The following RANBP17 variants were observed in gnomAD, a reference collection of about 807,000 sequenced individuals.
The protein encoded by RANBP17 is ran-binding protein 17.
In RANBP17, 158 loss-of-function variants were observed where a neutral mutation model predicts 141.2. The ratio of observed to expected loss-of-function variants is 1.12; its 90% confidence interval spans 0.98 to 1.28. The LOEUF (loss-of-function observed/expected upper bound fraction) is 1.28, where lower values mean the gene tolerates loss of function less well. Ranked by LOEUF, RANBP17 falls within the 50% of genes most tolerant of loss-of-function variation. The pLI is 0.00. For synonymous variants in RANBP17, 430 were observed against 450.0 expected (o/e 0.96, Z 0.56); for missense variants, 1,438 against 1,290.7 (o/e 1.11, Z -1.75).
At chr5:170,949,648 T>C (rs1019962143) in intron 12 of RANBP17, among the ~76,000 whole-genome samples, 5 of 152,198 alleles carry the variant, frequency 3.3e-5, no homozygotes, top group Non-Finnish European at 5.9e-5. Flanking sequence ...GCAGCCGCTT[T>C]TGCAAACATT....
At chr5:171,254,246 CAAAA>C (rs36093805) in intron 24 of RANBP17, among the ~76,000 whole-genome samples, 2 of 115,036 alleles carry the variant, frequency 1.7e-5, no homozygotes, top group African/African-American at 3.6e-5. Context: ...GACTCTGTCT[CAAAA>C]AAAAAAAAAA....
chr5:171,264,128 G>C (rs1027366090), intron 24 of RANBP17, among the ~76,000 whole-genome samples: 7 of 152,138 alleles, frequency 4.6e-5, no homozygotes, highest in Non-Finnish European at 7.3e-5. Context: ...TAATGTAGTG[G>C]TTAAGAATAC....
intron 14 of RANBP17, among the ~76,000 whole-genome samples, chr5:171,014,397 T>A (rs1026565982): frequency 4.6e-5 from 7 of 152,054 alleles, no homozygotes; most frequent in African/African-American, 1.7e-4. Context: ...GATTTTTGCC[T>A]TTCTTTGGAT....
intron 12 of RANBP17, among the ~76,000 whole-genome samples, chr5:170,939,801 CG>C (rs755988514): frequency 8.4e-4 from 128 of 152,010 alleles, no homozygotes; most frequent in Non-Finnish European, 1.3e-3. Context: ...GAGAGAGAGT[CG>C]GGGGAGTGAT....
intron 13 of RANBP17, among the ~76,000 whole-genome samples, chr5:170,955,862 C>G (rs1448218783): frequency 6.8e-6 from 1 of 147,730 alleles, no homozygotes; most frequent in African/African-American, 2.5e-5. Flanking sequence ...TATTTTGCTC[C>G]TCATTTTGAA....
At chr5:171,283,653 T>C (rs1269880333) in intron 25 of RANBP17, among the ~76,000 whole-genome samples, 2 of 151,876 alleles carry the variant, frequency 1.3e-5, no homozygotes, top group East Asian at 3.8e-4. Context: ...AATGAAAACA[T>C]TTTGGATCCT....
At chr5:170,891,857 T>C (rs1769641646) in intron 3 of RANBP17, among the ~76,000 whole-genome samples, 1 of 152,214 alleles carries the variant, frequency 6.6e-6, no homozygotes, top group South Asian at 2.1e-4. Flanking sequence ...GTTTCGGTTT[T>C]CTGCATTCAC....
chr5:170,966,221 C>T (rs1340487369), intron 13 of RANBP17, among the ~76,000 whole-genome samples: 3 of 151,848 alleles, frequency 2.0e-5, no homozygotes, highest in African/African-American at 7.3e-5. Flanking sequence ...GATACCAAAG[C>T]CGGGCAGAGA....
chr5:170,968,442 T>C, intron 14 of RANBP17, 65 bp downstream of exon 14: 1 of 1,407,720 alleles, frequency 7.1e-7, no homozygotes, highest in Non-Finnish European at 1.0e-6. Context: ...CATATATAAC[T>C]GAATGATATA....
At chr5:171,221,439 A>AAC (rs1763550214) in intron 21 of RANBP17, among the ~76,000 whole-genome samples, 1 of 152,226 alleles carries the variant, frequency 6.6e-6, no homozygotes, top group Non-Finnish European at 1.5e-5. Flanking sequence ...GTGTTTTATT[A>AAC]TTATCCATCA....
At chr5:171,234,710 T>C (rs150479885) in intron 22 of RANBP17, among the ~76,000 whole-genome samples, 317 of 152,276 alleles carry the variant, frequency 2.1e-3, no homozygotes, top group African/African-American at 7.3e-3. Context: ...TAGAAAGAAG[T>C]AGTTGCCATC....
intron 14 of RANBP17, among the ~76,000 whole-genome samples, chr5:171,138,094 G>C (rs1250861285): frequency 2.6e-5 from 4 of 151,936 alleles, no homozygotes; most frequent in African/African-American, 9.7e-5. Flanking sequence ...GAATGAACTA[G>C]ATTGCCCTTG....
rs548362266 is a variant in RANBP17, at chr5:171,247,571, T to A, written c.2776+4751T>A. ...AATATTCCAAAAATGATACAAAAAA[T>A]TTTAGTTAATTTCATTCATTAGCAT... On this transcript the variant is annotated intron_variant, in intron 24 of 27. Transcript: ENST00000523189. Among the ~76,000 whole-genome samples, 15 of 152,202 alleles carry A rather than the reference T, an allele frequency of 9.9e-5. No homozygotes were observed. The South Asian group carries it at 2.9e-3, about 30-fold the overall frequency.
intron 20 of RANBP17, among the ~76,000 whole-genome samples, chr5:171,208,503 A>G (rs1031776085): frequency 6.6e-6 from 1 of 152,250 alleles, no homozygotes; most frequent in African/African-American, 2.4e-5. Flanking sequence ...TGAAGTATCA[A>G]AAATCCAGAG....
chr5:170,916,566 G>T lies in RANBP17; in HGVS notation c.936G>T (p.Arg312Ser). Residue 312 changes from arginine to serine, a missense_variant, in exon 9 of 28, where the codon AGG becomes AGT. Transcript: ENST00000523189. Reference protein sequence around the residue: ...YLGNLIKGVKRILENPQGLSD... With the variant: ...YLGNLIKGVKSILENPQGLSD... ...GTAATTTAATTAAGGGAGTAAAAAG[G>T]ATACTTGAAAACCCTCAGGTATTTA... 4 of 1,563,816 alleles carry T rather than the reference G, an allele frequency of 2.6e-6. No homozygotes were observed. Among genetic ancestry groups the T allele is most frequent in the Non-Finnish European group, 3.5e-6 (4 of 1,150,012 alleles).
intron 14 of RANBP17, among the ~76,000 whole-genome samples, chr5:171,012,074 ATTGT>A (rs33938657): frequency 0.61 from 91,769 of 150,804 alleles, 29,216 homozygotes; most frequent in South Asian, 0.87. Flanking sequence ...AAACGAATAT[ATTGT>A]TTGTTTATTT....
At chr5:171,117,135 G>A (rs113702105) in intron 14 of RANBP17, among the ~76,000 whole-genome samples, 3,464 of 152,246 alleles carry the variant, frequency 0.023, 145 homozygotes, top group African/African-American at 0.08. Flanking sequence ...GGCAGCGGGG[G>A]TGGTGGTACA....
intron 22 of RANBP17, among the ~76,000 whole-genome samples, chr5:171,236,064 A>G (rs1451634525): frequency 6.6e-6 from 1 of 152,156 alleles, no homozygotes; most frequent in Non-Finnish European, 1.5e-5. Context: ...TGCAGCTTCA[A>G]TTCTGTCCCA....
intron 14 of RANBP17, among the ~76,000 whole-genome samples, chr5:171,024,761 T>G (rs1044867150): frequency 6.6e-6 from 1 of 152,116 alleles, no homozygotes. Flanking sequence ...AGTGTTACAG[T>G]ATATTAGGGC....
Sources: gnomAD v4.1 joint callset for allele counts (sites outside exome capture counted in the v4.1 genomes callset) on GRCh38, gnomAD v4.1.1 for gene constraint, MANE v1.5 for transcripts, NCBI Gene and HGNC (gene_info 2026-07-23, HGNC 2026-07-21) for gene names.